The following FAF1 variants were observed in gnomAD, a reference collection of about 807,000 sequenced individuals.
FAF1 encodes FAS-associated factor 1.
A neutral mutation model predicts 92.5 loss-of-function variants in FAF1; 25 were observed. The observed-to-expected ratio is 0.27, with a 90% CI of 0.20 to 0.38. The LOEUF is 0.38. Ranked by LOEUF, FAF1 falls within the 10% of genes least tolerant of loss-of-function variation. The pLI is 1.00. For missense variants in FAF1, 636 were observed against 793.3 expected (o/e 0.80, Z 2.38); for synonymous variants, 234 against 273.2 (o/e 0.86, Z 1.42).
chr1:50,574,926 T>TTTTTTA, intron 12 of FAF1, among the ~76,000 whole-genome samples: 1 of 129,756 alleles, frequency 7.7e-6, no homozygotes, highest in African/African-American at 3.0e-5. Flanking sequence ...TTTTTTTTTT[T>TTTTTTA]GAGACAGGGT....
At chr1:50,732,569 T>C (rs1658971133) in intron 6 of FAF1, among the ~76,000 whole-genome samples, 1 of 152,218 alleles carries the variant, frequency 6.6e-6, no homozygotes, top group African/African-American at 2.4e-5. Context: ...TAGTATATTC[T>C]TACAGTTAAT....
chr1:50,682,090 C>A (rs1457873811), intron 7 of FAF1, among the ~76,000 whole-genome samples: 2 of 151,976 alleles, frequency 1.3e-5, no homozygotes, highest in Non-Finnish European at 2.9e-5. Flanking sequence ...CCACTTTGGC[C>A]TCCCAAAGTG....
At chr1:50,884,236 C>T (rs970998986) in intron 1 of FAF1, among the ~76,000 whole-genome samples, 8 of 151,846 alleles carry the variant, frequency 5.3e-5, no homozygotes, top group Non-Finnish European at 1.0e-4. Flanking sequence ...AAATATAGGC[C>T]AGGCACAGTG....
At chr1:50,445,164 G>A (rs1646213843) in intron 18 of FAF1, among the ~76,000 whole-genome samples, 1 of 152,092 alleles carries the variant, frequency 6.6e-6, no homozygotes, top group South Asian at 2.1e-4. Context: ...TAATTTCTAA[G>A]ACTTTGGTGC....
chr1:50,517,871 C>A (rs893485885), intron 15 of FAF1, among the ~76,000 whole-genome samples: 1 of 152,068 alleles, frequency 6.6e-6, no homozygotes, highest in Non-Finnish European at 1.5e-5. Flanking sequence ...TCAAAGGCAT[C>A]CAAAAAGTTA....
At chr1:50,599,964 CCA>C (rs1290341389) in intron 8 of FAF1, among the ~76,000 whole-genome samples, 1 of 152,102 alleles carries the variant, frequency 6.6e-6, no homozygotes, top group East Asian at 1.9e-4. Flanking sequence ...CTGAAATGCT[CCA>C]ATGAGCATTT....
chr1:50,662,198 A>T (rs1476171849), intron 7 of FAF1, among the ~76,000 whole-genome samples: 1 of 152,202 alleles, frequency 6.6e-6, no homozygotes, highest in African/African-American at 2.4e-5. Context: ...TTTTTCTCAA[A>T]TACTATCTTT....
In FAF1 at chr1:50,475,690, CA is replaced by C. The variant is rs1467849649; in HGVS notation, c.1654-12del. 4.4e-6 allele frequency: 7 copies of C among 1,589,866 alleles called. No homozygotes were observed. Among genetic ancestry groups the C allele is most frequent in the Non-Finnish European group, 5.1e-6 (6 of 1,165,128 alleles). On this transcript the variant is annotated splice_polypyrimidine_tract_variant and intron_variant, in intron 17 of 18. Coordinates refer to ENST00000396153, the MANE Select transcript of FAF1 (RefSeq NM_007051.3). Reference sequence around the variant, plus strand: ...GGACAGCCGGATGGCCTAGGGAGAGCAAAAACCAGGTGTTAAAATGTGAGAA... The same window carrying C: ...GGACAGCCGGATGGCCTAGGGAGAGCAAAACCAGGTGTTAAAATGTGAGAA...
At chr1:50,683,799 G>A (rs573136029) in intron 7 of FAF1, among the ~76,000 whole-genome samples, 8 of 151,980 alleles carry the variant, frequency 5.3e-5, no homozygotes, top group African/African-American at 1.7e-4. Flanking sequence ...GGGTGTGGTG[G>A]CACGTGCCTG....
At chr1:50,923,141 A>G (rs1466485036) in intron 1 of FAF1, among the ~76,000 whole-genome samples, 1 of 152,224 alleles carries the variant, frequency 6.6e-6, no homozygotes, top group East Asian at 1.9e-4. Context: ...TCCTAAGGCT[A>G]AGTGCAATAA....
chr1:50,741,389 C>A (rs936788870), intron 5 of FAF1, among the ~76,000 whole-genome samples: 1 of 152,078 alleles, frequency 6.6e-6, no homozygotes, highest in Non-Finnish European at 1.5e-5. Flanking sequence ...GTTGTAGAGG[C>A]GAGAATGGGG....
At chr1:50,688,281 C>A (rs910112616) in intron 7 of FAF1, among the ~76,000 whole-genome samples, 3 of 152,036 alleles carry the variant, frequency 2.0e-5, no homozygotes, top group Admixed American at 2.0e-4. Context: ...CTGTGGAAAC[C>A]TGTTCCTCAA....
In FAF1 at chr1:50,827,220, C is replaced by G. The variant is rs145330378; in HGVS notation, c.115-25543G>C. Among the ~76,000 whole-genome samples, 1,165 of 152,158 alleles carry G rather than the reference C, an allele frequency of 7.7e-3. 11 individuals carry two copies. The highest frequency in any genetic ancestry group is 0.027 in the African/African-American group (1,125 of 41,504). On this transcript the variant is annotated intron_variant, in intron 2 of 18. Transcript: ENST00000396153. ...AAATGTGGGGAAAAGAAAGAGAGAT[C>G]AGATTGTTACTTTGTCTGTGTAGAA...
intron 13 of FAF1, among the ~76,000 whole-genome samples, chr1:50,553,806 G>A (rs1397544522): frequency 6.6e-6 from 1 of 152,074 alleles, no homozygotes; most frequent in Middle Eastern, 3.2e-3. Flanking sequence ...CTTATATCAG[G>A]TAACTGCAAA....
intron 2 of FAF1, among the ~76,000 whole-genome samples, chr1:50,857,396 C>A (rs1053411076): frequency 6.6e-6 from 1 of 151,696 alleles, no homozygotes; most frequent in Admixed American, 6.6e-5. Flanking sequence ...ATTATACAAT[C>A]CATTTTTGGT....
chr1:50,465,197 T>C (rs1370123047), intron 18 of FAF1, among the ~76,000 whole-genome samples: 1 of 152,234 alleles, frequency 6.6e-6, no homozygotes, highest in Non-Finnish European at 1.5e-5. Context: ...GTTTCAGTTT[T>C]GAAGCTATAA....
At chr1:50,611,988 G>C (rs1211198380) in intron 8 of FAF1, among the ~76,000 whole-genome samples, 2 of 152,148 alleles carry the variant, frequency 1.3e-5, no homozygotes, top group Non-Finnish European at 2.9e-5. Flanking sequence ...AGAAGAAATT[G>C]CTTGTTTGTA....
intron 13 of FAF1, among the ~76,000 whole-genome samples, chr1:50,558,878 G>A (rs1252378928): frequency 6.6e-6 from 1 of 152,196 alleles, no homozygotes; most frequent in African/African-American, 2.4e-5. Context: ...AGGTAGGAGT[G>A]TAGGAAGTAT....
At chr1:50,744,193 C>T (rs533135792) in intron 5 of FAF1, among the ~76,000 whole-genome samples, 2 of 152,312 alleles carry the variant, frequency 1.3e-5, no homozygotes, top group African/African-American at 2.4e-5. Context: ...ATTCCATGCA[C>T]CTGCCACTAT....
Sources: gnomAD v4.1 joint callset for allele counts (sites outside exome capture counted in the v4.1 genomes callset) on GRCh38, gnomAD v4.1.1 for gene constraint, MANE v1.5 for transcripts, NCBI Gene and HGNC (gene_info 2026-07-23, HGNC 2026-07-21) for gene names.